Variants in DGKI observed in about 807,000 individuals in gnomAD.
DGKI encodes DAG kinase iota.
In DGKI, 55 loss-of-function variants were observed where a neutral mutation model predicts 147.5. That is an observed-to-expected ratio of 0.37 (90% confidence interval 0.30 to 0.47). The LOEUF (loss-of-function observed/expected upper bound fraction) is 0.47. Ranked by LOEUF, DGKI falls within the 20% of genes least tolerant of loss-of-function variation. The pLI is 1.00. For missense variants in DGKI, 1,007 were observed against 1,323.8 expected (o/e 0.76, Z 3.71); for synonymous variants, 469 against 477.1 (o/e 0.98, Z 0.22).
At chr7:137,749,429 G>A (rs1301810065) in intron 1 of DGKI, among the ~76,000 whole-genome samples, 2 of 152,122 alleles carry the variant, frequency 1.3e-5, no homozygotes, top group Admixed American at 1.3e-4. Context: ...CAAAAAGCTT[G>A]TACTTCCCAC....
intron 19 of DGKI, among the ~76,000 whole-genome samples, chr7:137,566,525 A>C (rs921336088): frequency 6.6e-6 from 1 of 152,184 alleles, no homozygotes; most frequent in Non-Finnish European, 1.5e-5. Flanking sequence ...CTTAGATAGC[A>C]TTCTCTTTCT....
At position 137,443,476 on chromosome 7, in the gene DGKI, A is replaced by G. The variant is rs73443762; in HGVS notation, c.2761+601T>C. 5.1e-3 allele frequency among the ~76,000 whole-genome samples: 771 copies of G among 152,294 alleles called. 11 individuals carry two copies. The highest frequency in any genetic ancestry group is 0.018 in the African/African-American group (732 of 41,562). ...TAACTGATCATTGTAGACACTTAAC[A>G]CTTTTGTGACTGATTGGATAAATGA... On this transcript the variant is annotated intron_variant, in intron 28 of 32. Transcript: ENST00000614521.
chr7:137,772,319 T>C (rs1446563701), intron 1 of DGKI: 2 of 151,934 alleles, frequency 1.3e-5, no homozygotes, highest in Non-Finnish European at 2.9e-5. Flanking sequence ...ATTATCTGCT[T>C]TTGGTCTGTT....
intron 1 of DGKI, among the ~76,000 whole-genome samples, chr7:137,739,709 A>G (rs1299422010): frequency 6.6e-6 from 1 of 152,176 alleles, no homozygotes; most frequent in East Asian, 1.9e-4. Flanking sequence ...AAAGTGCTAC[A>G]CGCATGTGTA....
chr7:137,826,712 G>C (rs573423291), intron 1 of DGKI, among the ~76,000 whole-genome samples: 1 of 152,274 alleles, frequency 6.6e-6, no homozygotes, highest in African/African-American at 2.4e-5. Flanking sequence ...TGATCTGGCA[G>C]GGGGAAGGGG....
chr7:137,792,407 C>A (rs988913020), intron 1 of DGKI, among the ~76,000 whole-genome samples: 1 of 152,182 alleles, frequency 6.6e-6, no homozygotes, highest in African/African-American at 2.4e-5. Flanking sequence ...TTCATCCATT[C>A]ATTAAGCATC....
intron 1 of DGKI, among the ~76,000 whole-genome samples, chr7:137,822,762 G>A (rs1482421337): frequency 6.6e-6 from 1 of 151,238 alleles, no homozygotes; most frequent in Non-Finnish European, 1.5e-5. Flanking sequence ...TACCCTCAAT[G>A]AATAAAAGAA....
At chr7:137,682,008 G>A (rs560198291) in intron 2 of DGKI, among the ~76,000 whole-genome samples, 2 of 152,230 alleles carry the variant, frequency 1.3e-5, no homozygotes, top group Non-Finnish European at 2.9e-5. Context: ...GTATATTATA[G>A]CACATGGTTG....
chr7:137,696,850 T>G (rs1264904952), intron 1 of DGKI, among the ~76,000 whole-genome samples: 3 of 152,112 alleles, frequency 2.0e-5, no homozygotes, highest in Non-Finnish European at 4.4e-5. Flanking sequence ...GTCATCAAGT[T>G]AAGCTGAGGT....
intron 1 of DGKI, among the ~76,000 whole-genome samples, chr7:137,759,297 G>T (rs1030093828): frequency 6.6e-6 from 1 of 151,464 alleles, no homozygotes; most frequent in African/African-American, 2.4e-5. Flanking sequence ...TGCTGCAAAT[G>T]ACATAATTTC....
At chr7:137,539,851 C>T (rs1431923007) in intron 20 of DGKI, among the ~76,000 whole-genome samples, 7 of 151,830 alleles carry the variant, frequency 4.6e-5, no homozygotes, top group African/African-American at 1.7e-4. Flanking sequence ...TAGATCTCTA[C>T]CAAGATTGAC....
chr7:137,473,916 G>A (rs919414009), intron 23 of DGKI, among the ~76,000 whole-genome samples: 10 of 152,164 alleles, frequency 6.6e-5, no homozygotes, highest in African/African-American at 1.2e-4. Flanking sequence ...TTAACAATTG[G>A]ATACTTTCCT....
chr7:137,393,476 T>C (rs1585070857), intron 32 of DGKI, among the ~76,000 whole-genome samples: 1 of 152,140 alleles, frequency 6.6e-6, no homozygotes, highest in Admixed American at 6.5e-5. Context: ...GTGGTCTGAG[T>C]GGCCCTGGCA....
rs1250921063 is a variant in DGKI, at chr7:137,775,857, C to CT, written c.401+70604dup. On this transcript the variant is annotated intron_variant, in intron 1 of 32. Transcript: ENST00000614521. ...CAGGGAAAGATGTCAAAAGTATATT[C>CT]TTTTTTTTTTCTTTTTTTGGCAGAG... Among the ~76,000 whole-genome samples, 191 of 149,466 alleles carry CT rather than the reference C, an allele frequency of 1.3e-3. 2 individuals carry two copies. Among genetic ancestry groups the CT allele is most frequent in the African/African-American group, 3.9e-3 (158 of 40,804 alleles).
chr7:137,640,238 G>A (rs1425372305), intron 6 of DGKI, among the ~76,000 whole-genome samples: 5 of 151,948 alleles, frequency 3.3e-5, no homozygotes, highest in African/African-American at 1.2e-4. Context: ...AGACACAGAA[G>A]GACAAACACT....
chr7:137,393,803 A>G (rs932686862), intron 32 of DGKI, among the ~76,000 whole-genome samples: 5 of 152,182 alleles, frequency 3.3e-5, no homozygotes, highest in Non-Finnish European at 5.9e-5. Context: ...GGTTGCCAGG[A>G]AAGTGGAGAG....
chr7:137,753,071 C>T (rs959711781), intron 1 of DGKI, among the ~76,000 whole-genome samples: 1 of 152,106 alleles, frequency 6.6e-6, no homozygotes, highest in African/African-American at 2.4e-5. Flanking sequence ...CACACGCACA[C>T]CCACAATACC....
intron 1 of DGKI, among the ~76,000 whole-genome samples, chr7:137,711,755 G>A (rs1794222712): frequency 7.1e-6 from 1 of 141,140 alleles, no homozygotes; most frequent in African/African-American, 2.7e-5. Context: ...GTGCAGTGGT[G>A]CAATCTCGGC....
chr7:137,624,274 A>AT (rs955088738), intron 6 of DGKI, among the ~76,000 whole-genome samples: 2 of 152,174 alleles, frequency 1.3e-5, no homozygotes, highest in Admixed American at 6.5e-5. Flanking sequence ...TGCACAAAGA[A>AT]TTTTTTTAGC....
Sources: gnomAD v4.1 joint callset for allele counts (sites outside exome capture counted in the v4.1 genomes callset) on GRCh38, gnomAD v4.1.1 for gene constraint, MANE v1.5 for transcripts, NCBI Gene and HGNC (gene_info 2026-07-23, HGNC 2026-07-21) for gene names.